ZNF608: variants seen among roughly 807,000 people sequenced by gnomAD.
The protein encoded by ZNF608 is renal carcinoma antigen NY-REN-36.
In ZNF608, 12 loss-of-function variants were observed where a neutral mutation model predicts 109.0. The ratio of observed to expected loss-of-function variants is 0.11; its 90% confidence interval spans 0.07 to 0.18. The LOEUF (loss-of-function observed/expected upper bound fraction) is 0.18. ZNF608 is among the 10% of genes least tolerant of loss of function. ZNF608 has a pLI of 1.00. For synonymous variants in ZNF608, 732 were observed against 717.4 expected (o/e 1.02, Z -0.33); for missense variants, 1,707 against 1,879.3 (o/e 0.91, Z 1.70).
chr5:124,638,697 A>G (rs1750095255), intron 9 of ZNF608: 1 of 287,074 alleles, frequency 3.5e-6, no homozygotes. Context: ...TATTAATTTT[A>G]TAATATTAAT....
intron 3 of ZNF608, among the ~76,000 whole-genome samples, chr5:124,676,835 C>A (rs994733722): frequency 1.3e-5 from 2 of 152,076 alleles, no homozygotes; most frequent in Non-Finnish European, 2.9e-5. Flanking sequence ...AAGTGCAAAG[C>A]CATGCAAAAC....
At chr5:124,717,181 G>A (rs1753737049) in intron 2 of ZNF608, among the ~76,000 whole-genome samples, 1 of 151,092 alleles carries the variant, frequency 6.6e-6, no homozygotes, top group Non-Finnish European at 1.5e-5. Flanking sequence ...ATTCATTTTT[G>A]CTGGCCAGGA....
rs765821473 is a variant in ZNF608 at position 124,701,112 on chromosome 5, C to T, written c.1064G>A (p.Cys355Tyr). 3.3e-5 allele frequency: 54 copies of T among 1,614,156 alleles called. No individual in the cohort carries two copies. The highest frequency in any genetic ancestry group is 4.6e-5 in the Non-Finnish European group (54 of 1,180,028). ...TGGCTCTGTCACTACTCCAACTTCACATGTATTGACACCCACAGAACGAGT... is the reference window on the plus strand; with the variant it reads ...TGGCTCTGTCACTACTCCAACTTCATATGTATTGACACCCACAGAACGAGT... ...VRTRSVGVNT[C>Y]EVGVVTEPEC... is the part of the protein sequence containing the mutation. Residue 355 changes from cysteine (C) to tyrosine (Y), a missense_variant, in exon 3 of 10, where the codon TGT becomes TAT. Physicochemically the swap from Cys to Tyr is radical, Grantham distance 194. This residue lies in a region of ZNF608 where 407 missense variants were observed against 398.7 expected (regional missense o/e 1.02). Coordinates refer to ENST00000513986, the MANE Select transcript of ZNF608 (RefSeq NM_020747.3).
intron 2 of ZNF608, chr5:124,707,734 T>C (rs1226971632): frequency 6.6e-6 from 1 of 152,226 alleles, no homozygotes; most frequent in Non-Finnish European, 1.5e-5. Context: ...CCACCCTTTT[T>C]CTGCCTGACG....
At chr5:124,639,091 T>A in intron 9 of ZNF608, 42 bp downstream of exon 9, 1 of 1,582,052 alleles carries the variant, frequency 6.3e-7, no homozygotes, top group Non-Finnish European at 8.7e-7. Flanking sequence ...ACCATTAAGA[T>A]ATTTCTATCT....
intron 5 of ZNF608, among the ~76,000 whole-genome samples, 176 bp downstream of exon 5, chr5:124,646,503 C>T (rs1750513668): frequency 1.3e-5 from 2 of 152,182 alleles, no homozygotes; most frequent in African/African-American, 2.4e-5. Context: ...TGATAATGTA[C>T]ATTTTAGAGC....
At chr5:124,690,894 A>G (rs2149836852) in intron 3 of ZNF608, among the ~76,000 whole-genome samples, 1 of 150,864 alleles carries the variant, frequency 6.6e-6, no homozygotes, top group South Asian at 2.1e-4. Flanking sequence ...GTTAATATCC[A>G]AAACAGGGAC....
At chr5:124,700,576 C>T (rs1753011999) in intron 3 of ZNF608, among the ~76,000 whole-genome samples, 1 of 152,230 alleles carries the variant, frequency 6.6e-6, no homozygotes, top group African/African-American at 2.4e-5. Context: ...TGACAATGAT[C>T]CTCACTATGT....
chr5:124,694,818 G>T (rs1752780459), intron 3 of ZNF608, among the ~76,000 whole-genome samples: 1 of 151,306 alleles, frequency 6.6e-6, no homozygotes, highest in African/African-American at 2.4e-5. Context: ...AGAACATGCG[G>T]TGTTTGGTTT....
intron 2 of ZNF608, among the ~76,000 whole-genome samples, chr5:124,730,006 A>G (rs768635748): frequency 2.6e-5 from 4 of 152,250 alleles, no homozygotes; most frequent in African/African-American, 9.6e-5. Context: ...GATTTGTACA[A>G]TTAGTATTAT....
chr5:124,703,110 C>T (rs1753120914), intron 2 of ZNF608, among the ~76,000 whole-genome samples: 1 of 151,804 alleles, frequency 6.6e-6, no homozygotes, highest in African/African-American at 2.4e-5. Context: ...GCATGCTTTC[C>T]AGCTTCTTAA....
chr5:124,746,701 G>T (rs1402113689), upstream of ZNF608: 1 of 985,122 alleles, frequency 1.0e-6, no homozygotes, highest in African/African-American at 1.7e-5. Context: ...AAGAAGAAAG[G>T]ACTGAAAATC....
chr5:124,646,460 T>C (rs889313079), intron 5 of ZNF608, among the ~76,000 whole-genome samples: 7 of 152,186 alleles, frequency 4.6e-5, no homozygotes, highest in Non-Finnish European at 5.9e-5. Context: ...CCATCCACAG[T>C]TCCTTTTACT....
At chr5:124,679,075 G>A (rs1752082598) in intron 3 of ZNF608, among the ~76,000 whole-genome samples, 1 of 152,218 alleles carries the variant, frequency 6.6e-6, no homozygotes, top group Admixed American at 6.5e-5. Flanking sequence ...AGCTTTGCCT[G>A]CATCAAGCTG....
chr5:124,654,364 C>T (rs1750920048), intron 3 of ZNF608, among the ~76,000 whole-genome samples: 3 of 152,104 alleles, frequency 2.0e-5, no homozygotes, highest in South Asian at 2.1e-4. Context: ...TTTCTTCAAC[C>T]GTTCTTCATG....
chr5:124,703,763 G>A (rs186062457), intron 2 of ZNF608, among the ~76,000 whole-genome samples: 38 of 152,218 alleles, frequency 2.5e-4, no homozygotes, highest in Admixed American at 2.2e-3. Context: ...GCAAGCCCCT[G>A]TCCCTTAAAA....
chr5:124,643,357 T>G (rs939502544), intron 7 of ZNF608, among the ~76,000 whole-genome samples, 154 bp downstream of exon 7: 2 of 152,194 alleles, frequency 1.3e-5, no homozygotes, highest in Admixed American at 6.5e-5. Flanking sequence ...GCGTCTTACT[T>G]TTGAACGCTC....
chr5:124,745,080 A>C lies in ZNF608; in HGVS notation c.-91T>G. 6.7e-7 allele frequency: 1 copy of C among 1,485,114 alleles called. No individual in the cohort carries two copies. Among genetic ancestry groups the C allele is most frequent in the South Asian group, 1.4e-5 (1 of 70,196 alleles). 92.0% of individuals were successfully genotyped at this position (1,485,114 alleles called of 1,614,324 possible). On this transcript the variant is annotated 5_prime_UTR_variant, in exon 2 of 10. Coordinates refer to ENST00000513986, the MANE Select transcript of ZNF608 (RefSeq NM_020747.3). ...TTTATCTCCGCTGGGCTTTCTCTCA[A>C]AGAAAAAAAAAATCTTCTAATCTTC...
chr5:124,693,798 T>G (rs1752712422), intron 3 of ZNF608, among the ~76,000 whole-genome samples: 1 of 152,004 alleles, frequency 6.6e-6, no homozygotes, highest in Non-Finnish European at 1.5e-5. Flanking sequence ...ATAAAACAAG[T>G]AGGTCCAAGA....
Sources: allele counts gnomAD v4.1 joint callset (sites outside exome capture counted in the v4.1 genomes callset), GRCh38; gene constraint gnomAD v4.1.1; regional missense constraint gnomAD v4.1.1; transcripts MANE v1.5; gene names NCBI Gene and HGNC (gene_info 2026-07-23, HGNC 2026-07-21).